The following POLR3E variants were observed in gnomAD, a reference collection of about 807,000 sequenced individuals.
POLR3E encodes the protein DNA-directed RNA polymerase III subunit RPC5.
In POLR3E, 41 loss-of-function variants were observed where a neutral mutation model predicts 96.6. The ratio of observed to expected loss-of-function variants is 0.42; its 90% CI spans 0.33 to 0.55. The LOEUF is 0.55. Among genes scored for constraint, POLR3E ranks in the 20% least tolerant of loss-of-function variants. The pLI, the probability that POLR3E is intolerant of heterozygous loss-of-function variation, is 0.06. For synonymous variants in POLR3E, 396 were observed against 383.6 expected (o/e 1.03, Z -0.38); for missense variants, 849 against 952.1 (o/e 0.89, Z 1.43).
intron 1 of POLR3E, among the ~76,000 whole-genome samples, chr16:22,298,467 G>C (rs934849060): frequency 6.6e-6 from 1 of 152,166 alleles, no homozygotes. Flanking sequence ...CTGGAGGTCG[G>C]TACTTAGTTT....
At chr16:22,324,775 C>T (rs976441710) in intron 16 of POLR3E, 115 bp downstream of exon 16, 5 of 1,166,808 alleles carry the variant, frequency 4.3e-6, no homozygotes, top group East Asian at 2.3e-5. Flanking sequence ...CTGGGGAGAG[C>T]GCAGTTGGGC....
intron 13 of POLR3E, among the ~76,000 whole-genome samples, chr16:22,320,415 C>T (rs185455065): frequency 1.3e-3 from 199 of 152,244 alleles, no homozygotes; most frequent in African/African-American, 4.7e-3. Context: ...GCGCTTGCCA[C>T]CACGCCCGGC....
chr16:22,312,424 G>GAGGCGGAGGTTGC (rs1263885327), intron 6 of POLR3E, among the ~76,000 whole-genome samples: 1 of 152,090 alleles, frequency 6.6e-6, no homozygotes, highest in African/African-American at 2.4e-5. Flanking sequence ...TTGAACTCAG[G>GAGGCGGAGGTTGC]AGGCGGAGGT....
chr16:22,314,648 TAG>T (rs2048316986), intron 8 of POLR3E, among the ~76,000 whole-genome samples: 1 of 152,098 alleles, frequency 6.6e-6, no homozygotes, highest in South Asian at 2.1e-4. Flanking sequence ...CAAGTATGGC[TAG>T]AGAGTGGTGA....
At chr16:22,311,501 G>T (rs2048245800) in intron 6 of POLR3E, among the ~76,000 whole-genome samples, 3 of 145,002 alleles carry the variant, frequency 2.1e-5, no homozygotes, top group Admixed American at 2.1e-4. Context: ...TTGTTTTGGG[G>T]TTTTTTTTTT....
intron 2 of POLR3E, among the ~76,000 whole-genome samples, 200 bp downstream of exon 2, chr16:22,303,204 C>A (rs2048063580): frequency 6.6e-6 from 1 of 152,082 alleles, no homozygotes; most frequent in South Asian, 2.1e-4. Flanking sequence ...TCTGATCTGG[C>A]ATCACCTCAT....
intron 1 of POLR3E, among the ~76,000 whole-genome samples, chr16:22,299,991 C>T (rs555400855): frequency 5.3e-5 from 8 of 152,178 alleles, no homozygotes; most frequent in East Asian, 1.9e-4. Flanking sequence ...TTGGGATTAC[C>T]GGCATGAGCC....
Position 22,318,982 on chromosome 16 carries a change from T to C in POLR3E, c.986+36T>C. On this transcript the variant is annotated intron_variant, in intron 13 of 20. Transcript: ENST00000299853. The surrounding 1 kb of genome is among the most constrained non-coding windows in gnomAD (Gnocchi z 5.0). The stretch of plus-strand genomic sequence containing the variant: ...TTTTTTATTTTTTATTTTTATTTAT[T>C]TTTTTCCTTGAGGCAGAGCTTCACT... The C allele has an allele frequency of 1.3e-6, 2 of 1,506,618 alleles. No individual in the cohort carries two copies. The highest frequency in any genetic ancestry group is 1.8e-6 in the Non-Finnish European group (2 of 1,109,678). The allele number at this position is 1,506,618 out of a possible 1,614,324, so 93.3% of individuals were successfully genotyped here.
intron 1 of POLR3E, among the ~76,000 whole-genome samples, chr16:22,301,157 G>A (rs926645084): frequency 4.9e-5 from 7 of 144,328 alleles, no homozygotes; most frequent in African/African-American, 2.5e-5. Context: ...TGAGGTTATC[G>A]GGGGGGTAGA....
intron 9 of POLR3E, among the ~76,000 whole-genome samples, 175 bp downstream of exon 9, chr16:22,315,383 G>T (rs1347436794): frequency 6.6e-6 from 1 of 152,226 alleles, no homozygotes; most frequent in Non-Finnish European, 1.5e-5. Flanking sequence ...CTTAGCGTGG[G>T]CCCCAGGAGA....
rs778822737 is a variant in POLR3E at position 22,317,029 on chromosome 16, G to A, written c.763G>A (p.Glu255Lys). ...GATGATGCTGATGCCACCCAGCCAG[G>A]AGGAGGAGAAGTGAGTAGAGGCGGC... ...YLMMLMPPSQEEEKDKPVAPS... is the reference protein window; with the variant it reads ...YLMMLMPPSQKEEKDKPVAPS... The change falls in exon 11 of 21, where the codon GAG becomes AAG. Residue 255 changes from glutamate to lysine, a missense_variant. Transcript: ENST00000299853. 1.1e-5 allele frequency: 18 copies of A among 1,613,938 alleles called. No individual in the cohort carries two copies. Among genetic ancestry groups the A allele is most frequent in the Non-Finnish European group, 4.2e-6 (5 of 1,179,888 alleles).
At chr16:22,326,386 T>C in intron 18 of POLR3E, 108 bp downstream of exon 18, 1 of 936,356 alleles carries the variant, frequency 1.1e-6, no homozygotes, top group Non-Finnish European at 1.7e-6. Flanking sequence ...GAGCATCTGC[T>C]CTCACGTGGG....
At chr16:22,308,436 AG>A (rs2048178735) in intron 4 of POLR3E, 1 of 570,024 alleles carries the variant, frequency 1.8e-6, no homozygotes, top group African/African-American at 1.9e-5. Context: ...GATGAATGAG[AG>A]AATGGGGCCA....
chr16:22,323,078 T>C (rs561175754), intron 14 of POLR3E, 147 bp downstream of exon 14: 4 of 583,522 alleles, frequency 6.9e-6, no homozygotes, highest in South Asian at 3.9e-5. Flanking sequence ...TTCTCCTCCT[T>C]CCTCTCAGAA....
intron 16 of POLR3E, 56 bp from the exon 17 acceptor site, chr16:22,325,149 T>A: frequency 7.3e-7 from 1 of 1,363,660 alleles, no homozygotes; most frequent in Non-Finnish European, 1.1e-6. Flanking sequence ...GTTTCTCTTG[T>A]GAAGCAGATG....
intron 20 of POLR3E, among the ~76,000 whole-genome samples, chr16:22,333,133 C>G (rs929155925): frequency 1.3e-5 from 2 of 149,356 alleles, no homozygotes; most frequent in Non-Finnish European, 3.0e-5. Context: ...AGCCACCATG[C>G]CTGGCCCACC....
intron 12 of POLR3E, among the ~76,000 whole-genome samples, chr16:22,317,983 G>T (rs1020508459): frequency 6.6e-6 from 1 of 152,046 alleles, no homozygotes; most frequent in African/African-American, 2.4e-5. Flanking sequence ...GAATGGAGCC[G>T]CAGAACCTGG....
chr16:22,324,277 C>T, intron 14 of POLR3E, 77 bp from the exon 15 acceptor site: 3 of 1,212,530 alleles, frequency 2.5e-6, no homozygotes, highest in Non-Finnish European at 2.4e-6. Flanking sequence ...GCTCCCAGGC[C>T]TGCCAGGTGA....
intron 1 of POLR3E, among the ~76,000 whole-genome samples, chr16:22,298,410 A>G (rs9927282): frequency 0.03 from 4,581 of 152,216 alleles, 142 homozygotes; most frequent in African/African-American, 0.079. Flanking sequence ...ACCTTCCCAG[A>G]GGTTACGTTT....
Sources: allele counts gnomAD v4.1 joint callset (sites outside exome capture counted in the v4.1 genomes callset), GRCh38; gene constraint gnomAD v4.1.1; non-coding constraint Gnocchi (gnomAD v3.1); transcripts MANE v1.5; gene names NCBI Gene and HGNC (gene_info 2026-07-23, HGNC 2026-07-21).